Variants in NUP155 observed in about 807,000 individuals in gnomAD.
The protein encoded by NUP155 is nuclear pore complex protein Nup155.
NUP155 carries 71 observed loss-of-function variants against 180.4 expected under a neutral mutation model. The observed-to-expected ratio is 0.39, with a 90% CI of 0.33 to 0.48. The LOEUF (loss-of-function observed/expected upper bound fraction) is 0.48, where lower values mean the gene tolerates loss of function less well. Among genes scored for constraint, NUP155 ranks in the 20% least tolerant of loss-of-function variants. The probability of loss-of-function intolerance (pLI) is 0.91; values close to 1 mark genes in which losing one functional copy is unlikely to be tolerated. For missense variants in NUP155, 1,553 were observed against 1,648.9 expected, an observed-to-expected ratio of 0.94 and a Z score of 1.01; for synonymous variants, 582 against 559.5, an observed-to-expected ratio of 1.04 and a Z score of -0.57.
intron 20 of NUP155, among the ~76,000 whole-genome samples, chr5:37,318,831 G>GA (rs922611914): frequency 5.3e-5 from 8 of 151,832 alleles, no homozygotes; most frequent in East Asian, 1.9e-4. Context: ...GTAACAAAAA[G>GA]AAAAAAACAC....
chr5:37,295,000 T>C (rs1742445242), intron 32 of NUP155, among the ~76,000 whole-genome samples: 1 of 152,170 alleles, frequency 6.6e-6, no homozygotes, highest in South Asian at 2.1e-4. Context: ...ACTTCACTGA[T>C]AATTTTTTTT....
At chr5:37,347,305 T>G (rs1373655785) in intron 9 of NUP155, among the ~76,000 whole-genome samples, 1 of 145,640 alleles carries the variant, frequency 6.9e-6, no homozygotes, top group African/African-American at 2.8e-5. Context: ...TTCCTAGTCA[T>G]GATCCCTATG....
At chr5:37,295,881 G>A (rs1304197716) in intron 32 of NUP155, among the ~76,000 whole-genome samples, 4 of 146,406 alleles carry the variant, frequency 2.7e-5, no homozygotes, top group Non-Finnish European at 6.0e-5. Flanking sequence ...GAGGTTGGGG[G>A]GTCAGCCCCC....
chr5:37,317,360 T>A (rs905185848), intron 21 of NUP155, among the ~76,000 whole-genome samples: 2 of 150,776 alleles, frequency 1.3e-5, no homozygotes, highest in African/African-American at 4.9e-5. Context: ...TGGTGGCACA[T>A]GCCTCTAATC....
intron 23 of NUP155, among the ~76,000 whole-genome samples, chr5:37,310,024 G>A (rs1279022433): frequency 4.6e-5 from 7 of 151,846 alleles, no homozygotes; most frequent in African/African-American, 7.3e-5. Flanking sequence ...TAAAAAAAAA[G>A]AGAGAATATT....
At position 37,358,253 on chromosome 5, in the gene NUP155, A is replaced by T. The variant is rs1399732201; in HGVS notation, c.393-102T>A. ...CAGTACTTTGGGAGTCTGAGGCAGG[A>T]GGACTGCCTGAGCCCAGAAGTTCAA... On this transcript the variant is annotated intron_variant, in intron 3 of 34. Coordinates refer to ENST00000231498, the MANE Select transcript of NUP155 (RefSeq NM_153485.3). The T allele has an allele frequency of 1.1e-5, 9 of 816,402 alleles. No individual in the cohort carries two copies. In the East Asian group the frequency reaches 2.3e-4, roughly 21 times the overall value. The allele number at this position is 816,402 out of a possible 1,614,324, so 50.6% of individuals were successfully genotyped here.
intron 21 of NUP155, among the ~76,000 whole-genome samples, chr5:37,315,541 C>T (rs1291372984): frequency 6.9e-6 from 1 of 143,948 alleles, no homozygotes; most frequent in African/African-American, 3.0e-5. Flanking sequence ...AATGAGATGC[C>T]ATTCCATGTT....
At position 37,350,154 on chromosome 5, in the gene NUP155, A is replaced by G. The variant is rs752411032; in HGVS notation, c.829+6T>C. 1 of 1,599,334 alleles carries G rather than the reference A, an allele frequency of 6.3e-7. No individual in the cohort carries two copies. Among genetic ancestry groups the G allele is most frequent in the Non-Finnish European group, 8.6e-7 (1 of 1,166,596 alleles). On this transcript the variant is annotated splice_donor_region_variant and intron_variant, in intron 7 of 34. Coordinates refer to ENST00000231498, the MANE Select transcript of NUP155 (RefSeq NM_153485.3). ...GTACTTGCCAAATTTATTGTTTTCTACTTACCATCTTCTGAGAACGTGAAT... is the reference window on the plus strand; with the variant it reads ...GTACTTGCCAAATTTATTGTTTTCTGCTTACCATCTTCTGAGAACGTGAAT...
At chr5:37,357,397 C>A (rs1581208787) in intron 4 of NUP155, among the ~76,000 whole-genome samples, 2 of 29,570 alleles carry the variant, frequency 6.8e-5, no homozygotes, top group African/African-American at 1.5e-4. Flanking sequence ...AGACCTTAAT[C>A]TCAAAAAAAA....
At chr5:37,351,900 G>A (rs1198686605) in intron 5 of NUP155, among the ~76,000 whole-genome samples, 4 of 152,006 alleles carry the variant, frequency 2.6e-5, no homozygotes, top group African/African-American at 4.8e-5. Context: ...GTGTGCCTGT[G>A]TGTTTATTAT....
At chr5:37,300,822 AT>A (rs1241491895) in intron 30 of NUP155, among the ~76,000 whole-genome samples, 11,334 of 138,826 alleles carry the variant, frequency 0.082, 411 homozygotes, top group South Asian at 0.13. Context: ...CACCTGGCTA[AT>A]TTTTTTTTTT....
intron 32 of NUP155, among the ~76,000 whole-genome samples, chr5:37,295,196 G>A (rs1452679231): frequency 6.6e-6 from 1 of 152,126 alleles, no homozygotes; most frequent in Non-Finnish European, 1.5e-5. Flanking sequence ...GCAGGTGCGC[G>A]CCGCCACGCC....
chr5:37,305,266 G>C (rs996676094), intron 25 of NUP155, 56 bp from the exon 26 acceptor site: 2 of 1,488,862 alleles, frequency 1.3e-6, no homozygotes, highest in Non-Finnish European at 1.9e-6. Flanking sequence ...GCAAATGATG[G>C]TAAGTGTGGT....
At position 37,337,926 on chromosome 5, in the gene NUP155, T is replaced by C. The variant is rs1421602987; in HGVS notation, c.1247-8A>G. 1.4e-6 allele frequency: 2 copies of C among 1,449,998 alleles called. No individual in the cohort carries two copies. The highest frequency in any genetic ancestry group is 1.9e-6 in the Non-Finnish European group (2 of 1,032,568). 89.8% of individuals were successfully genotyped at this position (1,449,998 alleles called of 1,614,324 possible). ...CTGCCATCAATAGAATACCTAAAAG[T>C]TTAATATACAAAATATTATTACATC... is the stretch of plus-strand genomic sequence containing the variant. On this transcript the variant is annotated splice_region_variant and splice_polypyrimidine_tract_variant and intron_variant, in intron 11 of 34. Transcript: ENST00000231498.
chr5:37,363,998 G>A lies in NUP155; in HGVS notation c.296-14C>T. 6.4e-7 allele frequency: 1 copy of A among 1,554,376 alleles called. No homozygotes were observed. Among genetic ancestry groups the A allele is most frequent in the Non-Finnish European group, 8.9e-7 (1 of 1,125,570 alleles). On this transcript the variant is annotated splice_polypyrimidine_tract_variant and intron_variant, in intron 2 of 34. Coordinates refer to ENST00000231498, the MANE Select transcript of NUP155 (RefSeq NM_153485.3). Reference sequence around the variant, plus strand: ...TACACTGCATATCTGAGGTAGTGTGGATGTAAGGCAGACAGAGGTGAATCT... The same window carrying A: ...TACACTGCATATCTGAGGTAGTGTGAATGTAAGGCAGACAGAGGTGAATCT...
intron 16 of NUP155, among the ~76,000 whole-genome samples, chr5:37,328,834 A>G (rs1744775022): frequency 1.3e-5 from 2 of 152,184 alleles, no homozygotes; most frequent in African/African-American, 4.8e-5. Flanking sequence ...ATAAGGAGTT[A>G]CATTGTCCAC....
intron 19 of NUP155, 99 bp from the exon 20 acceptor site, chr5:37,324,206 T>G: frequency 1.3e-6 from 1 of 771,286 alleles, no homozygotes. Context: ...TCTATAGTTA[T>G]TTCTTGTATC....
In NUP155 at chr5:37,288,708, C is replaced by G. The variant is rs966446622; in HGVS notation, c.*3192G>C. 4 of 125,834 alleles carry G rather than the reference C, an allele frequency of 3.2e-5. No individual in the cohort carries two copies. Among genetic ancestry groups the G allele is most frequent in the Admixed American group, 1.0e-4 (1 of 10,020 alleles). The allele number at this position is 125,834 out of a possible 1,614,324, so 7.8% of individuals were successfully genotyped here. On this transcript the variant is annotated 3_prime_UTR_variant, in exon 35 of 35. Coordinates refer to ENST00000231498, the MANE Select transcript of NUP155 (RefSeq NM_153485.3). ...TAAGGCCAGGAGTTTTGAGAGCAGTCTGGGCAACAGAGTGAGATCTTTTGG... is the reference window on the plus strand; with the variant it reads ...TAAGGCCAGGAGTTTTGAGAGCAGTGTGGGCAACAGAGTGAGATCTTTTGG...
chr5:37,321,179 C>G (rs1340213914), intron 20 of NUP155, among the ~76,000 whole-genome samples: 1 of 151,942 alleles, frequency 6.6e-6, no homozygotes, highest in Non-Finnish European at 1.5e-5. Context: ...AACCCTGTCT[C>G]TGCTACAAAT....
Sources: allele counts gnomAD v4.1 joint callset (sites outside exome capture counted in the v4.1 genomes callset), GRCh38; gene constraint gnomAD v4.1.1; transcripts MANE v1.5; gene names NCBI Gene and HGNC (gene_info 2026-07-23, HGNC 2026-07-21).